The following ARHGAP42 variants were observed in gnomAD, a reference collection of about 807,000 sequenced individuals.
ARHGAP42 encodes the protein Rho GTPase activating protein 42, also known as rho GTPase-activating protein 42.
A neutral mutation model predicts 125.0 loss-of-function variants in ARHGAP42; 63 were observed. The ratio of observed to expected loss-of-function variants is 0.50; its 90% CI spans 0.41 to 0.62. The LOEUF (loss-of-function observed/expected upper bound fraction) is 0.62, where lower values mean the gene tolerates loss of function less well. Ranked by LOEUF, ARHGAP42 falls within the 20% of genes least tolerant of loss-of-function variation. The probability of loss-of-function intolerance (pLI) is 0.00; values close to 1 mark genes in which losing one functional copy is unlikely to be tolerated. For missense variants in ARHGAP42, 766 were observed against 1,024.2 expected (o/e 0.75, Z 3.44); for synonymous variants, 339 against 351.0 (o/e 0.97, Z 0.38).
intron 8 of ARHGAP42, 91 bp from the exon 9 acceptor site, chr11:100,941,693 C>G (rs907466150): frequency 1.0e-5 from 7 of 686,890 alleles, no homozygotes; most frequent in Non-Finnish European, 1.7e-5. Context: ...GAGAGATAAT[C>G]GGTTGTATAT....
At chr11:100,688,346 G>C (rs1253284287) in intron 1 of ARHGAP42, among the ~76,000 whole-genome samples, 1 of 152,166 alleles carries the variant, frequency 6.6e-6, no homozygotes, top group Non-Finnish European at 1.5e-5. Context: ...CATTTTGTAA[G>C]ATAATGGAAG....
chr11:100,967,774 C>T (rs908929900), intron 17 of ARHGAP42, among the ~76,000 whole-genome samples: 7 of 152,034 alleles, frequency 4.6e-5, no homozygotes, highest in Non-Finnish European at 1.0e-4. Context: ...AGTGCAGTGG[C>T]GCGATCTGGG....
chr11:100,968,531 C>T (rs74774578), intron 17 of ARHGAP42, among the ~76,000 whole-genome samples: 14,080 of 152,114 alleles, frequency 0.093, 943 homozygotes, highest in Non-Finnish European at 0.13. Flanking sequence ...CATTAATAAA[C>T]ATGTTATATC....
intron 6 of ARHGAP42, among the ~76,000 whole-genome samples, chr11:100,923,727 T>C (rs1393305127): frequency 1.3e-5 from 2 of 152,130 alleles, no homozygotes; most frequent in Non-Finnish European, 2.9e-5. Flanking sequence ...GCCTTTCTTA[T>C]GACACCACAG....
At chr11:100,878,715 G>C (rs955564992) in intron 4 of ARHGAP42, among the ~76,000 whole-genome samples, 2 of 152,090 alleles carry the variant, frequency 1.3e-5, no homozygotes, top group Non-Finnish European at 2.9e-5. Context: ...TCAGTGGCAA[G>C]AGCATCCTCT....
At chr11:100,819,499 A>C (rs17095535) in intron 3 of ARHGAP42, among the ~76,000 whole-genome samples, 28,093 of 152,016 alleles carry the variant, frequency 0.18, 3,030 homozygotes, top group African/African-American at 0.3. Context: ...ATAGTAGGAA[A>C]TTTGCTGAGT....
intron 9 of ARHGAP42, among the ~76,000 whole-genome samples, chr11:100,943,022 G>T (rs906331475): frequency 1.3e-5 from 2 of 151,966 alleles, no homozygotes; most frequent in East Asian, 1.9e-4. Flanking sequence ...ACATAGACTG[G>T]CATCTCAGTG....
chr11:100,912,737 C>G (rs1866958077), intron 4 of ARHGAP42, among the ~76,000 whole-genome samples: 1 of 152,150 alleles, frequency 6.6e-6, no homozygotes, highest in Admixed American at 6.5e-5. Flanking sequence ...AAGTTACTCC[C>G]TTCTCAGCTA....
rs11224504 is a variant in ARHGAP42, at chr11:100,889,579, A to G, written c.385-23873A>G. On this transcript the variant is annotated intron_variant, in intron 4 of 23. Transcript: ENST00000298815. ...TACTCTGTTATAGCCACACAAACAG[A>G]CTAAGACAACGAGGTTAAATGAGTT... 2.4e-4 allele frequency among the ~76,000 whole-genome samples: 37 copies of G among 152,288 alleles called. 2 individuals are homozygous for G. In the East Asian group the frequency reaches 5.6e-3, roughly 23 times the overall value.
At chr11:100,805,447 G>A (rs914922300) in intron 3 of ARHGAP42, among the ~76,000 whole-genome samples, 2 of 152,116 alleles carry the variant, frequency 1.3e-5, no homozygotes, top group Non-Finnish European at 1.5e-5. Context: ...TTTTCAATAA[G>A]TTCATCATAT....
At chr11:100,822,311 TA>T (rs1429043551) in intron 3 of ARHGAP42, among the ~76,000 whole-genome samples, 11 of 151,766 alleles carry the variant, frequency 7.2e-5, no homozygotes, top group South Asian at 2.1e-4. Flanking sequence ...TTTTCAACGT[TA>T]AAAAAAAATT....
chr11:100,967,195 T>A (rs1438904192), intron 17 of ARHGAP42, among the ~76,000 whole-genome samples: 1 of 152,214 alleles, frequency 6.6e-6, no homozygotes, highest in Non-Finnish European at 1.5e-5. Context: ...AGATTGGGAT[T>A]CCAAAGACTA....
rs539258973 is a variant in ARHGAP42, at chr11:100,902,299, C to T, written c.385-11153C>T. 3.3e-5 allele frequency among the ~76,000 whole-genome samples: 5 copies of T among 152,198 alleles called. No individual in the cohort carries two copies. The East Asian group carries it at 7.7e-4, about 24-fold the overall frequency. Reference sequence around the variant, plus strand: ...TCCATCCTCTTGCTAACTGAGTGGCCTATAATTAATTCCCATGAACCTCAT... The same window carrying T: ...TCCATCCTCTTGCTAACTGAGTGGCTTATAATTAATTCCCATGAACCTCAT... On this transcript the variant is annotated intron_variant, in intron 4 of 23. Transcript: ENST00000298815.
At position 100,961,009 on chromosome 11, in the gene ARHGAP42, A is replaced by G. The variant is rs1303127895; in HGVS notation, c.1300+20A>G. ...CATTTTGTAAGTTTTGGATGAAGCAACTTACATAATTTTTGTGTTCTTATA... is the reference window on the plus strand; with the variant it reads ...CATTTTGTAAGTTTTGGATGAAGCAGCTTACATAATTTTTGTGTTCTTATA... On this transcript the variant is annotated intron_variant, in intron 14 of 23. Transcript: ENST00000298815. 3 of 1,505,458 alleles carry G rather than the reference A, an allele frequency of 2.0e-6. No individual in the cohort carries two copies. Among genetic ancestry groups the G allele is most frequent in the Non-Finnish European group, 2.7e-6 (3 of 1,118,420 alleles). 93.3% of individuals were successfully genotyped at this position (1,505,458 alleles called of 1,614,324 possible). A position where few individuals can be genotyped will look rare whatever the true frequency, so the allele number is the denominator to read the frequency against.
At chr11:100,804,570 A>G (rs1437894180) in intron 3 of ARHGAP42, among the ~76,000 whole-genome samples, 5 of 148,522 alleles carry the variant, frequency 3.4e-5, no homozygotes, top group Non-Finnish European at 7.4e-5. Context: ...TTTTAGTCAG[A>G]GTCTCGCACT....
rs1565302624 is a variant in ARHGAP42, at chr11:100,974,598, C to A, written c.1850C>A (p.Pro617His). 1 of 1,549,814 alleles carries A rather than the reference C, an allele frequency of 6.5e-7. No individual in the cohort carries two copies. Among genetic ancestry groups the A allele is most frequent in the East Asian group, 2.4e-5 (1 of 40,908 alleles). Residue 617 changes from proline to histidine, a missense_variant, in exon 19 of 24, where the codon CCT becomes CAT. Coordinates refer to ENST00000298815, the MANE Select transcript of ARHGAP42 (RefSeq NM_152432.4). ...AGGTATACTCCATGCCTGGCCGAAC[C>A]TGATAGTAAGTGCACCCGGCCTTAG... is the stretch of plus-strand genomic sequence containing the variant. ...RGRYTPCLAE[P>H]DSDSYSSSPD...
chr11:100,756,691 A>G (rs143173026), intron 1 of ARHGAP42, among the ~76,000 whole-genome samples: 2,042 of 152,320 alleles, frequency 0.013, 47 homozygotes, highest in African/African-American at 0.047. Context: ...TAGAGATAAC[A>G]TGTCTTCCAA....
At chr11:100,847,311 T>C (rs1865093787) in intron 3 of ARHGAP42, among the ~76,000 whole-genome samples, 1 of 152,174 alleles carries the variant, frequency 6.6e-6, no homozygotes, top group Non-Finnish European at 1.5e-5. Flanking sequence ...TCAGGGTATC[T>C]GCCATACAGG....
intron 1 of ARHGAP42, among the ~76,000 whole-genome samples, chr11:100,733,075 T>C (rs1364815883): frequency 6.6e-6 from 1 of 152,224 alleles, no homozygotes; most frequent in Non-Finnish European, 1.5e-5. Context: ...GGATTTAGCA[T>C]ACTTTCACTT....
Sources: gnomAD v4.1 joint callset for allele counts (sites outside exome capture counted in the v4.1 genomes callset) on GRCh38, gnomAD v4.1.1 for gene constraint, MANE v1.5 for transcripts, NCBI Gene and HGNC (gene_info 2026-07-23, HGNC 2026-07-21) for gene names.